Variants in MSRA observed in about 807,000 individuals in gnomAD.
The protein encoded by MSRA is mitochondrial peptide methionine sulfoxide reductase.
Under a neutral mutation model 31.3 loss-of-function variants are expected in MSRA, and 54 were observed. That is an observed-to-expected ratio of 1.73 (90% CI 1.39 to 2.17). The LOEUF is 2.17. Ranked by LOEUF, MSRA falls within the 30% of genes most tolerant of loss-of-function variation. MSRA has a pLI of 0.00. For missense variants in MSRA, 507 were observed against 300.9 expected (o/e 1.69, Z -5.07); for synonymous variants, 169 against 116.5 (o/e 1.45, Z -2.90).
At chr8:10,236,963 C>T (rs568515411) in intron 2 of MSRA, among the ~76,000 whole-genome samples, 1 of 152,288 alleles carries the variant, frequency 6.6e-6, no homozygotes, top group East Asian at 1.9e-4. Flanking sequence ...AAAATAAAAC[C>T]TTGCGTAAGT....
At chr8:10,246,924 G>C (rs1797652944) in intron 3 of MSRA, among the ~76,000 whole-genome samples, 1 of 152,052 alleles carries the variant, frequency 6.6e-6, no homozygotes, top group Non-Finnish European at 1.5e-5. Context: ...TCAAGTCTTA[G>C]GAATGGAAAT....
chr8:10,102,123 G>C (rs1056678989), intron 1 of MSRA, among the ~76,000 whole-genome samples: 1 of 151,952 alleles, frequency 6.6e-6, no homozygotes, highest in Non-Finnish European at 1.5e-5. Flanking sequence ...GATTTCTTTG[G>C]GTGTATCCTG....
In MSRA at chr8:10,149,161, G is replaced by A. The variant is rs116313761; in HGVS notation, c.143-58672G>A. On this transcript the variant is annotated intron_variant, in intron 1 of 5. Transcript: ENST00000317173. ...TTTTATTCGTAGTTTTGCTCTCGTC[G>A]CCTGGGCTGGAGTGCAATGGCACAG... Among the ~76,000 whole-genome samples the A allele has an allele frequency of 2.6e-3, 388 of 149,208 alleles. 1 individual carries two copies. Among genetic ancestry groups the A allele is most frequent in the African/African-American group, 9.3e-3 (376 of 40,416 alleles).
chr8:10,274,124 C>G (rs748423301), intron 3 of MSRA, among the ~76,000 whole-genome samples: 5 of 152,238 alleles, frequency 3.3e-5, no homozygotes, highest in Non-Finnish European at 7.4e-5. Context: ...AGGCCCAGTG[C>G]TATTATCACA....
At chr8:10,254,274 CTT>C (rs1254746069) in intron 3 of MSRA, among the ~76,000 whole-genome samples, 1 of 152,186 alleles carries the variant, frequency 6.6e-6, no homozygotes, top group East Asian at 1.9e-4. Flanking sequence ...GTTTTGAACT[CTT>C]TTATTTATAG....
rs539783109 is a variant in MSRA at position 10,064,743 on chromosome 8, A to G, written c.142+10085A>G. On this transcript the variant is annotated intron_variant, in intron 1 of 5. Transcript: ENST00000317173. ...AAATTAGTTTACCATTAGGTATTTT[A>G]TACTTTGCATAGGTCAAAAGTCATG... Among the ~76,000 whole-genome samples, 12 of 152,304 alleles carry G rather than the reference A, an allele frequency of 7.9e-5. No individual in the cohort carries two copies. The East Asian group carries it at 2.3e-3, about 29-fold the overall frequency.
intron 5 of MSRA, among the ~76,000 whole-genome samples, chr8:10,403,616 C>T (rs978162307): frequency 7.2e-5 from 11 of 152,224 alleles, no homozygotes; most frequent in African/African-American, 2.7e-4. Flanking sequence ...CAACAGTCTC[C>T]AGCTTGTGCC....
intron 2 of MSRA, among the ~76,000 whole-genome samples, chr8:10,214,756 G>A (rs1199856956): frequency 4.6e-5 from 7 of 152,172 alleles, no homozygotes. Flanking sequence ...GATAAAAATA[G>A]GCCTTCCTCC....
At chr8:10,351,688 G>A (rs1049407335) in intron 5 of MSRA, among the ~76,000 whole-genome samples, 2 of 152,236 alleles carry the variant, frequency 1.3e-5, no homozygotes, top group Non-Finnish European at 2.9e-5. Context: ...AGTGCCACCT[G>A]TAAGAAGACT....
chr8:10,404,011 C>T (rs891119914), intron 5 of MSRA, among the ~76,000 whole-genome samples: 3 of 152,154 alleles, frequency 2.0e-5, no homozygotes, highest in Non-Finnish European at 4.4e-5. Flanking sequence ...GACTGTTGCT[C>T]ACTGTAGGAA....
intron 1 of MSRA, among the ~76,000 whole-genome samples, chr8:10,089,727 A>G (rs548426460): frequency 2.6e-5 from 4 of 152,222 alleles, no homozygotes; most frequent in Non-Finnish European, 4.4e-5. Context: ...TGCTGCATCA[A>G]AACTTGGTGC....
chr8:10,180,648 C>G (rs1240425821), intron 1 of MSRA, among the ~76,000 whole-genome samples: 1 of 152,092 alleles, frequency 6.6e-6, no homozygotes, highest in Non-Finnish European at 1.5e-5. Flanking sequence ...CTCAGAATAC[C>G]AAGGGTTTTA....
chr8:10,308,611 C>T (rs1200889017), intron 4 of MSRA, among the ~76,000 whole-genome samples: 1 of 152,256 alleles, frequency 6.6e-6, no homozygotes, highest in Non-Finnish European at 1.5e-5. Context: ...CCAGTGTGGC[C>T]TGGGATTACC....
At chr8:10,303,935 T>C (rs921575651) in intron 4 of MSRA, among the ~76,000 whole-genome samples, 4 of 152,218 alleles carry the variant, frequency 2.6e-5, no homozygotes, top group Admixed American at 2.0e-4. Flanking sequence ...GTTTTTGTTT[T>C]TTATTTTATT....
chr8:10,055,491 C>A (rs1056206793), intron 1 of MSRA, among the ~76,000 whole-genome samples: 5 of 152,248 alleles, frequency 3.3e-5, no homozygotes, highest in Non-Finnish European at 5.9e-5. Flanking sequence ...AGTGCCCCCA[C>A]CTGCCGCAGC....
chr8:10,310,804 C>A (rs1801393513), intron 4 of MSRA, among the ~76,000 whole-genome samples: 1 of 152,188 alleles, frequency 6.6e-6, no homozygotes, highest in Non-Finnish European at 1.5e-5. Context: ...CACAGTGCTA[C>A]ACAATTCTAT....
chr8:10,223,032 A>G (rs1198535344), intron 2 of MSRA, among the ~76,000 whole-genome samples: 1 of 152,212 alleles, frequency 6.6e-6, no homozygotes, highest in East Asian at 1.9e-4. Context: ...TACTTATTCC[A>G]CAGTGTGTAT....
chr8:10,205,761 T>A lies in MSRA; in HGVS notation c.143-2072T>A, dbSNP rs980713725. ...TTTCATTTTTATGTTCTTCTGCCAG[T>A]CTTTTCACATAAATATTCATATTTT... On this transcript the variant is annotated intron_variant, in intron 1 of 5. Transcript: ENST00000317173. 3.3e-5 allele frequency among the ~76,000 whole-genome samples: 5 copies of A among 152,242 alleles called. No homozygotes were observed. In the East Asian group the frequency reaches 9.6e-4, roughly 29 times the overall value.
chr8:10,142,458 C>G (rs1802800856), intron 1 of MSRA, among the ~76,000 whole-genome samples: 2 of 152,206 alleles, frequency 1.3e-5, no homozygotes, highest in African/African-American at 4.8e-5. Flanking sequence ...CTGCACTGCC[C>G]TTCAGTGGTT....
Sources: gnomAD v4.1 joint callset for allele counts (sites outside exome capture counted in the v4.1 genomes callset) on GRCh38, gnomAD v4.1.1 for gene constraint, MANE v1.5 for transcripts, NCBI Gene and HGNC (gene_info 2026-07-23, HGNC 2026-07-21) for gene names.